Variants in NUGGC observed in about 807,000 individuals in gnomAD.
NUGGC encodes the protein nuclear GTPase, germinal center associated, also known as nuclear GTPase SLIP-GC.
Under a neutral mutation model 92.6 loss-of-function variants are expected in NUGGC, and 58 were observed. The observed-to-expected ratio is 0.63, with a 90% CI of 0.51 to 0.78. The LOEUF is 0.78. Ranked by LOEUF, NUGGC falls within the 30% of genes least tolerant of loss-of-function variation. NUGGC has a pLI of 0.00. For synonymous variants in NUGGC, 376 were observed against 366.4 expected, an observed-to-expected ratio of 1.03 and a Z score of -0.30; for missense variants, 925 against 964.6, an observed-to-expected ratio of 0.96 and a Z score of 0.54.
chr8:28,033,437 A>C, intron 14 of NUGGC, 103 bp downstream of exon 14: 1 of 1,122,762 alleles, frequency 8.9e-7, no homozygotes, highest in East Asian at 2.5e-5. Flanking sequence ...TCCAGTTACA[A>C]GCTACTCTTT....
intron 9 of NUGGC, among the ~76,000 whole-genome samples, chr8:28,057,334 T>G (rs1225577467): frequency 6.7e-6 from 1 of 149,752 alleles, no homozygotes; most frequent in Non-Finnish European, 1.5e-5. Flanking sequence ...TCTTTCCTTT[T>G]TTTTTTTTTT....
intron 12 of NUGGC, among the ~76,000 whole-genome samples, chr8:28,044,482 G>A (rs1809777081): frequency 6.6e-6 from 1 of 152,186 alleles, no homozygotes; most frequent in African/African-American, 2.4e-5. Context: ...GAGGCTGTTG[G>A]CCTGGGGACA....
At chr8:28,081,306 G>A (rs548926744) in intron 1 of NUGGC, among the ~76,000 whole-genome samples, 36 of 151,868 alleles carry the variant, frequency 2.4e-4, no homozygotes, top group South Asian at 2.3e-3. Context: ...GCAACAGAGC[G>A]AGACTCCACG....
chr8:28,032,105 C>A (rs775657545), intron 14 of NUGGC, among the ~76,000 whole-genome samples: 29 of 152,222 alleles, frequency 1.9e-4, no homozygotes, highest in Admixed American at 3.9e-4. Context: ...AGGCTGCAAC[C>A]AGGCAGCGGT....
intron 1 of NUGGC, among the ~76,000 whole-genome samples, chr8:28,074,868 G>C (rs1031667805): frequency 6.6e-6 from 1 of 152,194 alleles, no homozygotes; most frequent in African/African-American, 2.4e-5. Context: ...GAACCTGGGA[G>C]GCGGGGCTTG....
At chr8:28,066,407 G>A (rs554928692) in intron 6 of NUGGC, among the ~76,000 whole-genome samples, 4 of 152,290 alleles carry the variant, frequency 2.6e-5, no homozygotes, top group African/African-American at 7.2e-5. Flanking sequence ...AGAGGCTCAA[G>A]TATATTGAAC....
intron 4 of NUGGC, 54 bp from the exon 5 acceptor site, chr8:28,068,492 A>G: frequency 7.9e-7 from 1 of 1,266,418 alleles, no homozygotes. Flanking sequence ...TAGAGTGAAG[A>G]GCATTGAAAC....
intron 7 of NUGGC, among the ~76,000 whole-genome samples, chr8:28,062,999 C>T (rs996220950): frequency 6.6e-6 from 1 of 152,138 alleles, no homozygotes; most frequent in African/African-American, 2.4e-5. Context: ...CCCAGGCCCC[C>T]GCTATGAGAA....
In NUGGC at chr8:28,029,256, C is replaced by T. The variant is rs373161383; in HGVS notation, c.2154+10G>A. ...CGGGGTCTAGGATCCAGGATGTGGG[C>T]ATAGAGTACCTTCAGCTGCTGAAAC... On this transcript the variant is annotated intron_variant, in intron 17 of 18. Coordinates refer to ENST00000413272, the MANE Select transcript of NUGGC (RefSeq NM_001010906.2). 7 of 1,600,984 alleles carry T rather than the reference C, an allele frequency of 4.4e-6. No individual in the cohort carries two copies. The African/African-American group carries it at 6.7e-5, about 15-fold the overall frequency.
At chr8:28,061,903 A>G (rs887730110) in intron 7 of NUGGC, among the ~76,000 whole-genome samples, 2 of 152,212 alleles carry the variant, frequency 1.3e-5, no homozygotes, top group Non-Finnish European at 2.9e-5. Flanking sequence ...CAAAATGTCA[A>G]GAGTTTGAGA....
chr8:28,079,231 G>C (rs1229257518), intron 1 of NUGGC, among the ~76,000 whole-genome samples: 1 of 152,018 alleles, frequency 6.6e-6, no homozygotes, highest in East Asian at 1.9e-4. Context: ...TAGAACAGCT[G>C]CATATCATGG....
intron 9 of NUGGC, among the ~76,000 whole-genome samples, chr8:28,057,817 T>C (rs1810185985): frequency 6.6e-6 from 1 of 152,178 alleles, no homozygotes. Flanking sequence ...GGATTTTCAA[T>C]TGAGCAGGGA....
intron 9 of NUGGC, among the ~76,000 whole-genome samples, chr8:28,057,006 C>G (rs1810158990): frequency 6.6e-6 from 1 of 152,170 alleles, no homozygotes; most frequent in Non-Finnish European, 1.5e-5. Flanking sequence ...CAGTAAATTG[C>G]GTATGGCAAT....
rs571666276 is a variant in NUGGC, at chr8:28,029,291, A to C, written c.2129T>G (p.Met710Arg). 2 of 1,606,902 alleles carry C rather than the reference A, an allele frequency of 1.2e-6. No individual in the cohort carries two copies. Among genetic ancestry groups the C allele is most frequent in the African/African-American group, 1.3e-5 (1 of 74,884 alleles). The change falls in exon 17 of 19, where the codon ATG (methionine) becomes AGG (arginine). Residue 710 changes from methionine to arginine, a missense_variant. Coordinates refer to ENST00000413272, the MANE Select transcript of NUGGC (RefSeq NM_001010906.2). ...EGMFERAQERMQHQFQQLKTG... is the reference protein window; with the variant it reads ...EGMFERAQERRQHQFQQLKTG... ...CTTCAGCTGCTGAAACTGGTGCTGC[A>C]TCCTTTCCTGGGCCCTTTCAAACAT...
chr8:28,047,552 C>G lies in NUGGC; in HGVS notation c.1267G>C (p.Ala423Pro). The change falls in exon 11 of 19, where the codon GCC (alanine) becomes CCC (proline). Residue 423 changes from alanine to proline, a missense_variant. Ala to Pro is a conservative substitution (Grantham distance 27, BLOSUM62 -1). Coordinates refer to ENST00000413272, the MANE Select transcript of NUGGC (RefSeq NM_001010906.2). ...EASDLVYTVS[A>P]QEYWQQALLT... ...AGAGCCTGCTGCCAGTACTCCTGGG[C>G]GCTGACTGTATACACCAGATCTGAG... is the stretch of plus-strand genomic sequence containing the variant. 1 of 1,569,976 alleles carries G rather than the reference C, an allele frequency of 6.4e-7. No individual in the cohort carries two copies. The highest frequency in any genetic ancestry group is 1.2e-5 in the South Asian group (1 of 85,284).
chr8:28,067,880 C>T lies in NUGGC; in HGVS notation c.481-136G>A, dbSNP rs115848103. 3,475 of 694,438 alleles carry T rather than the reference C, an allele frequency of 5.0e-3. 90 individuals are homozygous for T. In the African/African-American group the frequency reaches 0.05, roughly 10 times the overall value. 43.0% of individuals were successfully genotyped at this position (694,438 alleles called of 1,614,324 possible). A position where few individuals can be genotyped will look rare whatever the true frequency, so the allele number is the denominator to read the frequency against. On this transcript the variant is annotated intron_variant, in intron 5 of 18. Coordinates refer to ENST00000413272, the MANE Select transcript of NUGGC (RefSeq NM_001010906.2). ...AATCTAGGTCATCTATCTGGGGTCT[C>T]GAAGAGGGGAATGGCTTGCCCAAAG...
chr8:28,079,649 T>C (rs1810800803), intron 1 of NUGGC, among the ~76,000 whole-genome samples: 1 of 152,182 alleles, frequency 6.6e-6, no homozygotes, highest in South Asian at 2.1e-4. Flanking sequence ...GGGCTGAAAC[T>C]CAGTTTTCCT....
chr8:28,060,325 T>C, intron 8 of NUGGC, 101 bp downstream of exon 8: 2 of 1,185,658 alleles, frequency 1.7e-6, no homozygotes, highest in Non-Finnish European at 2.5e-6. Context: ...CCTGAAGCCC[T>C]CTAACCACGT....
At chr8:28,078,380 C>A (rs571333103) in intron 1 of NUGGC, among the ~76,000 whole-genome samples, 3 of 152,054 alleles carry the variant, frequency 2.0e-5, no homozygotes, top group Non-Finnish European at 4.4e-5. Flanking sequence ...AAAGGAAAAG[C>A]GATAAACAAA....
Sources: allele counts gnomAD v4.1 joint callset (sites outside exome capture counted in the v4.1 genomes callset), GRCh38; gene constraint gnomAD v4.1.1; transcripts MANE v1.5; gene names NCBI Gene and HGNC (gene_info 2026-07-23, HGNC 2026-07-21).